Variants in CABIN1 observed in about 807,000 individuals in gnomAD.
CABIN1 encodes the protein calcineurin binding protein 1.
In CABIN1, 133 loss-of-function variants were observed where a neutral mutation model predicts 227.7. The ratio of observed to expected loss-of-function variants is 0.58; its 90% CI spans 0.51 to 0.67. The LOEUF (loss-of-function observed/expected upper bound fraction) is 0.67, where lower values mean the gene tolerates loss of function less well. CABIN1 is among the 30% of genes least tolerant of loss of function. The pLI, the probability that CABIN1 is intolerant of heterozygous loss-of-function variation, is 0.00. For missense variants in CABIN1, 2,408 were observed against 2,852.5 expected (o/e 0.84, Z 3.55); for synonymous variants, 1,086 against 1,155.1 (o/e 0.94, Z 1.21).
chr22:24,085,743 A>G (rs2041115487), intron 22 of CABIN1, among the ~76,000 whole-genome samples: 1 of 152,214 alleles, frequency 6.6e-6, no homozygotes, highest in Admixed American at 6.5e-5. Context: ...GAGCCTCTCA[A>G]GGGGCCTTCT....
intron 15 of CABIN1, 134 bp downstream of exon 15, chr22:24,064,321 T>C: frequency 1.0e-6 from 1 of 980,482 alleles, no homozygotes; most frequent in Non-Finnish European, 1.6e-6. Flanking sequence ...TTCTCCTGCC[T>C]CAGCCTCCTG....
At chr22:24,133,632 G>A (rs2044210460) in intron 28 of CABIN1, among the ~76,000 whole-genome samples, 1 of 152,246 alleles carries the variant, frequency 6.6e-6, no homozygotes, top group South Asian at 2.1e-4. Flanking sequence ...GTCCTGAGGT[G>A]GAGTGAGATG....
At chr22:24,157,229 C>T (rs1042709233) in intron 29 of CABIN1, among the ~76,000 whole-genome samples, 1 of 152,134 alleles carries the variant, frequency 6.6e-6, no homozygotes, top group Non-Finnish European at 1.5e-5. Flanking sequence ...CCCCTTTCCT[C>T]CCAACCTTAG....
chr22:24,094,937 C>T (rs1009257326), intron 24 of CABIN1, among the ~76,000 whole-genome samples: 10 of 152,142 alleles, frequency 6.6e-5, no homozygotes, highest in African/African-American at 1.9e-4. Context: ...AATCTTTACT[C>T]GCCACTTGGA....
intron 1 of CABIN1, among the ~76,000 whole-genome samples, chr22:24,022,317 T>C (rs117919607): frequency 0.016 from 2,461 of 152,296 alleles, 79 homozygotes; most frequent in East Asian, 0.14. Context: ...TCTCCATCAC[T>C]ATAGTTTTGT....
chr22:24,133,125 C>T lies in CABIN1; in HGVS notation c.4633-1177C>T, dbSNP rs140576344. On this transcript the variant is annotated intron_variant, in intron 28 of 36. Transcript: ENST00000263119. ...GGCAGGCAGGGGGTCCCTCAGCAGA[C>T]GGGAAGCTCACAGTGAATGGAGCCT... Among the ~76,000 whole-genome samples the T allele has an allele frequency of 8.8e-4, 134 of 152,262 alleles. 1 individual carries two copies. The highest frequency in any genetic ancestry group is 2.1e-3 in the African/African-American group (89 of 41,548).
At chr22:24,029,339 A>G (rs1034738360) in intron 1 of CABIN1, among the ~76,000 whole-genome samples, 1 of 152,208 alleles carries the variant, frequency 6.6e-6, no homozygotes, top group Non-Finnish European at 1.5e-5. Flanking sequence ...CTTGAGCTCA[A>G]GGGTTCAAGA....
intron 4 of CABIN1, 139 bp downstream of exon 4, chr22:24,038,600 A>G (rs2037115431): frequency 1.9e-5 from 13 of 689,114 alleles, no homozygotes; most frequent in South Asian, 1.5e-4. Flanking sequence ...CTCTGCCCCT[A>G]TTTCCCCACC....
intron 18 of CABIN1, 104 bp downstream of exon 18, chr22:24,072,614 G>T: frequency 1.5e-6 from 2 of 1,343,110 alleles, no homozygotes; most frequent in Non-Finnish European, 2.1e-6. Context: ...TGTGAGTGGG[G>T]CTCAGTCCTC....
chr22:24,102,655 A>G (rs144423191), intron 26 of CABIN1, among the ~76,000 whole-genome samples: 2 of 152,228 alleles, frequency 1.3e-5, no homozygotes, highest in Admixed American at 6.5e-5. Context: ...CGAGGAGGCA[A>G]AGTTTAGCCA....
At chr22:24,035,582 G>T (rs1013502259) in intron 2 of CABIN1, 62 bp downstream of exon 2, 18 of 1,600,980 alleles carry the variant, frequency 1.1e-5, no homozygotes, top group Non-Finnish European at 1.5e-5. Context: ...TTACTCCTGG[G>T]GGCGAGGGGC....
chr22:24,023,229 A>T (rs1262482722), intron 1 of CABIN1, among the ~76,000 whole-genome samples: 2 of 152,160 alleles, frequency 1.3e-5, no homozygotes, highest in Non-Finnish European at 2.9e-5. Flanking sequence ...TCACAATTTC[A>T]TTCCTTTTTG....
rs1445631755 is a variant in CABIN1, at chr22:24,064,022, T to G, written c.1885-13T>G. ...TCTGCTTTGGTTCCCTGACCTGTTTTCCGTCTAACCAGGGAGACATGGAGC... is the reference window on the plus strand; with the variant it reads ...TCTGCTTTGGTTCCCTGACCTGTTTGCCGTCTAACCAGGGAGACATGGAGC... On this transcript the variant is annotated splice_polypyrimidine_tract_variant and intron_variant, in intron 14 of 36. Coordinates refer to ENST00000263119, the MANE Select transcript of CABIN1 (RefSeq NM_012295.4). 1.9e-6 allele frequency: 3 copies of G among 1,614,072 alleles called. No individual in the cohort carries two copies. Among genetic ancestry groups the G allele is most frequent in the Non-Finnish European group, 2.5e-6 (3 of 1,180,008 alleles).
intron 28 of CABIN1, among the ~76,000 whole-genome samples, chr22:24,131,635 C>G (rs2044079705): frequency 1.3e-5 from 2 of 152,236 alleles, no homozygotes; most frequent in African/African-American, 4.8e-5. Flanking sequence ...CCCTTATCCC[C>G]ATAACAGCTT....
At chr22:24,041,433 A>T (rs2037364626) in intron 5 of CABIN1, among the ~76,000 whole-genome samples, 160 bp downstream of exon 5, 1 of 152,186 alleles carries the variant, frequency 6.6e-6, no homozygotes, top group Admixed American at 6.5e-5. Context: ...GATAACAATT[A>T]GTACTGACCA....
chr22:24,073,768 T>C (rs1232743040), intron 18 of CABIN1, among the ~76,000 whole-genome samples: 2 of 152,108 alleles, frequency 1.3e-5, no homozygotes, highest in Non-Finnish European at 2.9e-5. Flanking sequence ...TGAGCAAGCC[T>C]TAAGTCAGGC....
intron 29 of CABIN1, among the ~76,000 whole-genome samples, chr22:24,158,302 G>GCT (rs1157851964): frequency 1.3e-5 from 2 of 152,222 alleles, no homozygotes; most frequent in African/African-American, 4.8e-5. Flanking sequence ...AGACCAGCCT[G>GCT]CTGCTGCGTG....
chr22:24,137,962 C>A (rs1043715118), intron 29 of CABIN1, among the ~76,000 whole-genome samples: 5 of 152,150 alleles, frequency 3.3e-5, no homozygotes, highest in African/African-American at 1.2e-4. Flanking sequence ...GAAGCAAAGG[C>A]AGTAGGTGGG....
chr22:24,138,136 T>G (rs916759118), intron 29 of CABIN1, among the ~76,000 whole-genome samples: 2 of 152,244 alleles, frequency 1.3e-5, no homozygotes, highest in African/African-American at 4.8e-5. Context: ...TGCCTTCTGT[T>G]ATTTTTTAAT....
Sources: allele counts gnomAD v4.1 joint callset (sites outside exome capture counted in the v4.1 genomes callset), GRCh38; gene constraint gnomAD v4.1.1; transcripts MANE v1.5; gene names NCBI Gene and HGNC (gene_info 2026-07-23, HGNC 2026-07-21).